The following RPUSD2 variants were observed in gnomAD, a reference collection of about 807,000 sequenced individuals.
The protein encoded by RPUSD2 is RNA pseudouridine synthase domain containing 2, also known as pseudouridylate synthase RPUSD2.
A neutral mutation model predicts 41.5 loss-of-function variants in RPUSD2; 31 were observed. That is an observed-to-expected ratio of 0.75 (90% CI 0.56 to 1.01). RPUSD2 has a LOEUF of 1.01. RPUSD2 is among the 50% of genes least tolerant of loss of function. The pLI is 0.00. For synonymous variants in RPUSD2, 305 were observed against 289.7 expected, an observed-to-expected ratio of 1.05 and a Z score of -0.54; for missense variants, 749 against 724.7, an observed-to-expected ratio of 1.03 and a Z score of -0.38.
At chr15:40,573,417 T>C in intron 2 of RPUSD2, 110 bp from the exon 3 acceptor site, 1 of 1,225,976 alleles carries the variant, frequency 8.2e-7, no homozygotes, top group Non-Finnish European at 1.1e-6. Context: ...TGGCGAATGG[T>C]AGAGCTGGAG....
chr15:40,571,969 C>T (rs370913307), intron 2 of RPUSD2, 69 bp downstream of exon 2: 1 of 1,494,476 alleles, frequency 6.7e-7, no homozygotes, highest in Non-Finnish European at 9.1e-7. Flanking sequence ...AAAAGGGCAT[C>T]ATGGAGTTCC....
Position 40,569,349 on chromosome 15 carries a change from C to T in RPUSD2, c.12C>T (p.Asp4=), listed in dbSNP as rs146037335. 195 of 1,477,854 alleles carry T rather than the reference C, an allele frequency of 1.3e-4. No homozygotes were observed. The highest frequency in any genetic ancestry group is 2.6e-5 in the Non-Finnish European group (29 of 1,115,504). The allele number at this position is 1,477,854 out of a possible 1,614,324, so 91.5% of individuals were successfully genotyped here. MWL[D]RRGWLRVLGH... is the part of the protein sequence containing the mutation. ...GGGGCAGCGTGGTTATGTGGCTGGA[C>T]CGCCGCGGATGGCTCAGGGTTCTTG... is the stretch of plus-strand genomic sequence containing the variant. Residue 4 remains aspartate, a synonymous_variant, in exon 1 of 3, where the codon GAC becomes GAT. Coordinates refer to ENST00000315616, the MANE Select transcript of RPUSD2 (RefSeq NM_152260.3).
Position 40,573,569 on chromosome 15 carries a change from A to G in RPUSD2, c.946A>G (p.Thr316Ala), listed in dbSNP as rs1891186163. Reference sequence around the variant, plus strand: ...GTGCCGGGTGGAAGGGGAGTTCCCCACTGAGGAAGTGACCTGTAAAGAACC... The same window carrying G: ...GTGCCGGGTGGAAGGGGAGTTCCCCGCTGAGGAAGTGACCTGTAAAGAACC... ...YVCRVEGEFP[T>A]EEVTCKEPIL... The change falls in exon 3 of 3, where the codon ACT becomes GCT. Residue 316 changes from threonine (T) to alanine (A), a missense_variant. Physicochemically the swap from Thr to Ala is moderately conservative, Grantham distance 58. Transcript: ENST00000315616. 1 of 1,614,106 alleles carries G rather than the reference A, an allele frequency of 6.2e-7. No individual in the cohort carries two copies. Among genetic ancestry groups the G allele is most frequent in the Non-Finnish European group, 8.5e-7 (1 of 1,179,982 alleles).
intron 2 of RPUSD2, among the ~76,000 whole-genome samples, chr15:40,572,877 C>T (rs886206736): frequency 1.3e-5 from 2 of 152,006 alleles, no homozygotes; most frequent in African/African-American, 4.8e-5. Context: ...TGATTGTTGT[C>T]CTGAGACTTG....
At chr15:40,572,831 G>C (rs1244051326) in intron 2 of RPUSD2, among the ~76,000 whole-genome samples, 2 of 152,128 alleles carry the variant, frequency 1.3e-5, no homozygotes, top group Non-Finnish European at 2.9e-5. Flanking sequence ...TCTAGATGTA[G>C]TTGGAAAAGT....
At chr15:40,570,856 A>T (rs989491135) in intron 1 of RPUSD2, among the ~76,000 whole-genome samples, 6 of 152,224 alleles carry the variant, frequency 3.9e-5, no homozygotes, top group Non-Finnish European at 7.3e-5. Flanking sequence ...GCCCAAGAGC[A>T]TGTAGCGAGC....
chr15:40,572,254 C>T (rs1399094171), intron 2 of RPUSD2, among the ~76,000 whole-genome samples: 3 of 142,430 alleles, frequency 2.1e-5, no homozygotes. Flanking sequence ...ATAGGGAGAC[C>T]CTATCTCTAC....
Position 40,569,658 on chromosome 15 carries a change from G to A in RPUSD2, c.321G>A (p.Arg107=). Residue 107 remains arginine, a synonymous_variant, in exon 1 of 3, where the codon AGG becomes AGA. Transcript: ENST00000315616. ...GKHKKRRGAT[R]ERVVPPPKKR... ...ATAAGAAGCGGCGGGGCGCAACCAG[G>A]GAGCGTGTCGTGCCGCCCCCGAAGA... 2 of 1,545,382 alleles carry A rather than the reference G, an allele frequency of 1.3e-6. No individual in the cohort carries two copies. The highest frequency in any genetic ancestry group is 1.7e-6 in the Non-Finnish European group (2 of 1,142,952).
intron 2 of RPUSD2, among the ~76,000 whole-genome samples, chr15:40,572,668 G>A (rs1164980620): frequency 6.6e-6 from 1 of 152,106 alleles, no homozygotes; most frequent in Non-Finnish European, 1.5e-5. Flanking sequence ...GGAGGTTGAG[G>A]CTGCAGTGAG....
In RPUSD2 at chr15:40,571,727, C is replaced by G. The variant is rs36095127; in HGVS notation, c.730C>G (p.His244Asp). 2.0e-5 allele frequency: 32 copies of G among 1,614,124 alleles called. No individual in the cohort carries two copies. In the African/African-American group the frequency reaches 4.1e-4, roughly 21 times the overall value. Residue 244 changes from histidine to aspartate, a missense_variant, in exon 2 of 3, where the codon CAC becomes GAC. His to Asp is a moderately conservative substitution (Grantham distance 81, BLOSUM62 -1). Coordinates refer to ENST00000315616, the MANE Select transcript of RPUSD2 (RefSeq NM_152260.3). ...VVDKPSSIPV[H>D]PCGRFRHNTV... ...AGACAAGCCTTCCTCCATTCCCGTT[C>G]ACCCCTGTGGCCGCTTCCGACACAA...
rs373208568 is a variant in RPUSD2 at position 40,569,695 on chromosome 15, G to A, written c.358G>A (p.Gly120Arg). Residue 120 changes from glycine (G) to arginine (R), a missense_variant, in exon 1 of 3, where the codon GGG becomes AGG. Transcript: ENST00000315616. Reference sequence around the variant, plus strand: ...GCCGCCCCCGAAGAAGCGGCGGACCGGGGTGAGCTTCGGAGATGAGCACTT... The same window carrying A: ...GCCGCCCCCGAAGAAGCGGCGGACCAGGGTGAGCTTCGGAGATGAGCACTT... ...VVPPPKKRRT[G>R]VSFGDEHFAE... is the part of the protein sequence containing the mutation. 231 of 1,571,726 alleles carry A rather than the reference G, an allele frequency of 1.5e-4. No homozygotes were observed. Among genetic ancestry groups the A allele is most frequent in the Admixed American group, 5.4e-4 (29 of 53,404 alleles).
At position 40,569,478 on chromosome 15, in the gene RPUSD2, C is replaced by A; in HGVS notation, c.141C>A (p.Gly47=). ...TGTCTACCCAGGTTGGGACAGAGGG[C>A]GGGCTGAGGGCTTCGCATCAGCAAA... ...ETVSTQVGTE[G]GLRASHQQNG... Residue 47 remains glycine, a synonymous_variant, in exon 1 of 3, where the codon GGC becomes GGA. Coordinates refer to ENST00000315616, the MANE Select transcript of RPUSD2 (RefSeq NM_152260.3). 1 of 1,572,044 alleles carries A rather than the reference C, an allele frequency of 6.4e-7. No homozygotes were observed. Among genetic ancestry groups the A allele is most frequent in the Non-Finnish European group, 8.6e-7 (1 of 1,162,504 alleles).
At position 40,574,227 on chromosome 15, in the gene RPUSD2, C is replaced by G. The variant is rs1359137772; in HGVS notation, c.1604C>G (p.Pro535Arg). The G allele has an allele frequency of 1.9e-6, 3 of 1,612,652 alleles. No individual in the cohort carries two copies. The highest frequency in any genetic ancestry group is 1.9e-4 in the Middle Eastern group (1 of 5,260). The change falls in exon 3 of 3, where the codon CCT becomes CGT. Residue 535 changes from proline (P) to arginine (R), a missense_variant. Transcript: ENST00000315616. The stretch of plus-strand genomic sequence containing the variant: ...GGCTTTGAGTACTTTTCACCAATGC[C>G]TGCCTGGGCACAGGATGACTGGCAA... ...GPGFEYFSPM[P>R]AWAQDDWQKD
chr15:40,569,915 C>T lies in RPUSD2; in HGVS notation c.578C>T (p.Pro193Leu). 1 of 1,558,502 alleles carries T rather than the reference C, an allele frequency of 6.4e-7. No homozygotes were observed. Among genetic ancestry groups the T allele is most frequent in the Non-Finnish European group, 8.7e-7 (1 of 1,152,350 alleles). ...RAGRLQLNEKPVQDLNIVLKD... is the reference protein window; with the variant it reads ...RAGRLQLNEKLVQDLNIVLKD... Reference sequence around the variant, plus strand: ...GGCCGCCTGCAACTCAACGAGAAGCCGGTGCAGGACCTCAACATCGTGCTC... The same window carrying T: ...GGCCGCCTGCAACTCAACGAGAAGCTGGTGCAGGACCTCAACATCGTGCTC... Residue 193 changes from proline (P) to leucine (L), a missense_variant, in exon 1 of 3, where the codon CCG (proline) becomes CTG (leucine). Coordinates refer to ENST00000315616, the MANE Select transcript of RPUSD2 (RefSeq NM_152260.3).
At position 40,574,310 on chromosome 15, in the gene RPUSD2, C is replaced by G. The variant is rs752464368; in HGVS notation, c.*49C>G. ...CTTCTTGGGTTGTGACAAGGATGGGCTATAGGGCAAGGGCTGACCCCATGG... is the reference window on the plus strand; with the variant it reads ...CTTCTTGGGTTGTGACAAGGATGGGGTATAGGGCAAGGGCTGACCCCATGG... On this transcript the variant is annotated 3_prime_UTR_variant, in exon 3 of 3. Coordinates refer to ENST00000315616, the MANE Select transcript of RPUSD2 (RefSeq NM_152260.3). 1.0e-5 allele frequency: 16 copies of G among 1,570,600 alleles called. No individual in the cohort carries two copies. The highest frequency in any genetic ancestry group is 3.4e-5 in the Admixed American group (2 of 57,982).
In RPUSD2 at chr15:40,571,732, CT is replaced by C. The variant is rs1891144411; in HGVS notation, c.736del (p.Cys246ValfsTer13). On this transcript the variant is annotated frameshift_variant, in exon 2 of 3. Transcript: ENST00000315616. LOFTEE classifies it high-confidence loss of function. ...AGCCTTCCTCCATTCCCGTTCACCC[CT>C]GTGGCCGCTTCCGACACAACACAGT... ...DKPSSIPVHP[C>X]GRFRHNTVIF... The C allele has an allele frequency of 6.2e-7, 1 of 1,614,136 alleles. No individual in the cohort carries two copies. The highest frequency in any genetic ancestry group is 8.5e-7 in the Non-Finnish European group (1 of 1,180,050).
intron 2 of RPUSD2, among the ~76,000 whole-genome samples, chr15:40,572,564 CAA>C (rs1353712093): frequency 2.0e-4 from 17 of 83,786 alleles, no homozygotes; most frequent in East Asian, 3.2e-4. Flanking sequence ...GACTCTGTCT[CAA>C]AAAAAAAAAA....
intron 2 of RPUSD2, among the ~76,000 whole-genome samples, chr15:40,572,593 A>G (rs1891166871): frequency 6.6e-6 from 1 of 150,692 alleles, no homozygotes; most frequent in Non-Finnish European, 1.5e-5. Context: ...TTACCCTGGC[A>G]TGGTGGCACA....
Position 40,569,702 on chromosome 15 carries a change from G to A in RPUSD2, c.365G>A (p.Ser122Asn). 1 of 1,577,512 alleles carries A rather than the reference G, an allele frequency of 6.3e-7. No homozygotes were observed. The change falls in exon 1 of 3, where the codon AGC (serine) becomes AAC (asparagine). Residue 122 changes from serine (S) to asparagine (N), a missense_variant. Transcript: ENST00000315616. ...PPPKKRRTGV[S>N]FGDEHFAETS... ...CCGAAGAAGCGGCGGACCGGGGTGA[G>A]CTTCGGAGATGAGCACTTTGCAGAA...
Sources: gnomAD v4.1 joint callset for allele counts (sites outside exome capture counted in the v4.1 genomes callset) on GRCh38, gnomAD v4.1.1 for gene constraint, MANE v1.5 for transcripts, NCBI Gene and HGNC (gene_info 2026-07-23, HGNC 2026-07-21) for gene names.